Variants in STT3A observed in about 807,000 individuals in gnomAD.
STT3A encodes the protein dolichyl-diphosphooligosaccharide--protein glycosyltransferase subunit STT3A.
In STT3A, 34 loss-of-function variants were observed where a neutral mutation model predicts 89.2. The observed-to-expected ratio is 0.38, with a 90% CI of 0.29 to 0.51. STT3A has a LOEUF of 0.51. Ranked by LOEUF, STT3A falls within the 20% of genes least tolerant of loss-of-function variation. The pLI is 0.89. For missense variants in STT3A, 555 were observed against 889.5 expected (o/e 0.62, Z 4.78); for synonymous variants, 282 against 310.3 (o/e 0.91, Z 0.96).
At chr11:125,600,796 A>AT (rs1324478692) in intron 3 of STT3A, among the ~76,000 whole-genome samples, 3 of 151,152 alleles carry the variant, frequency 2.0e-5, no homozygotes, top group South Asian at 2.1e-4. Flanking sequence ...ATCTTTCTAT[A>AT]TTTTTTTTGA....
chr11:125,614,377 C>T lies in STT3A; in HGVS notation c.1725C>T (p.Val575=). The T allele has an allele frequency of 6.2e-7, 1 of 1,614,098 alleles. No homozygotes were observed. The highest frequency in any genetic ancestry group is 8.5e-7 in the Non-Finnish European group (1 of 1,179,992). Residue 575 remains valine (V), a synonymous_variant, in exon 15 of 18, where the codon GTC becomes GTT. Coordinates refer to ENST00000392708, the MANE Select transcript of STT3A (RefSeq NM_152713.5). The surrounding 1 kb of genome is among the most constrained non-coding windows in gnomAD (Gnocchi z 4.9). The stretch of plus-strand genomic sequence containing the variant: ...ATGAGATCATGAGGGAGCTCGATGT[C>T]AGCTATGTGCTGGTCATTTTTGGAG... ...KAYEIMRELD[V]SYVLVIFGGL...
Position 125,596,009 on chromosome 11 carries a change from T to C in STT3A, c.88+6T>C. ...GTCAATGGCTGCTGTATTATGTGAGTGTGCATGTGAACCTCTCTTTCTTTG... is the reference window on the plus strand; with the variant it reads ...GTCAATGGCTGCTGTATTATGTGAGCGTGCATGTGAACCTCTCTTTCTTTG... On this transcript the variant is annotated splice_donor_region_variant and intron_variant, in intron 2 of 17. Transcript: ENST00000392708. The C allele has an allele frequency of 6.2e-7, 1 of 1,601,744 alleles. No homozygotes were observed. Among genetic ancestry groups the C allele is most frequent in the Non-Finnish European group, 8.5e-7 (1 of 1,171,958 alleles).
At chr11:125,606,925 A>T (rs979855806) in intron 8 of STT3A, among the ~76,000 whole-genome samples, 2 of 152,168 alleles carry the variant, frequency 1.3e-5, no homozygotes, top group African/African-American at 4.8e-5. Context: ...GGTATGTTTG[A>T]TTTCTCTTGT....
At chr11:125,620,644 T>C in intron 17 of STT3A, 128 bp from the exon 18 acceptor site, 1 of 787,994 alleles carries the variant, frequency 1.3e-6, no homozygotes, top group Non-Finnish European at 2.1e-6. Flanking sequence ...TGCTTGTGTA[T>C]TCACAGCCCT....
intron 3 of STT3A, among the ~76,000 whole-genome samples, chr11:125,597,582 A>T (rs555929512): frequency 6.6e-6 from 1 of 152,328 alleles, no homozygotes; most frequent in East Asian, 1.9e-4. Flanking sequence ...ATGCAGATTG[A>T]AGGAAAGGGT....
Position 125,614,874 on chromosome 11 carries a change from G to T in STT3A, c.1774+448G>T, listed in dbSNP as rs1271585075. On this transcript the variant is annotated intron_variant, in intron 15 of 17. Coordinates refer to ENST00000392708, the MANE Select transcript of STT3A (RefSeq NM_152713.5). The surrounding 1 kb of genome is among the most constrained non-coding windows in gnomAD (Gnocchi z 4.9). Reference sequence around the variant, plus strand: ...AAATAAAAGTGTGTGTAAAATGGAGGTTACCATGTGCCCTATGATTATTGG... The same window carrying T: ...AAATAAAAGTGTGTGTAAAATGGAGTTTACCATGTGCCCTATGATTATTGG... Among the ~76,000 whole-genome samples, 1 of 151,832 alleles carries T rather than the reference G, an allele frequency of 6.6e-6. No individual in the cohort carries two copies. Among genetic ancestry groups the T allele is most frequent in the Non-Finnish European group, 1.5e-5 (1 of 67,976 alleles).
At position 125,621,590 on chromosome 11, in the gene STT3A, TCTC is replaced by T. The variant is rs1486208865; in HGVS notation, c.*781_*783del. 6.6e-6 allele frequency: 1 copy of T among 152,230 alleles called. No homozygotes were observed. Among genetic ancestry groups the T allele is most frequent in the African/African-American group, 2.4e-5 (1 of 41,456 alleles). 9.4% of individuals were successfully genotyped at this position (152,230 alleles called of 1,614,324 possible). The stretch of plus-strand genomic sequence containing the variant: ...AATTTGAAATGGAGCTTTTCAGTAC[TCTC>T]ACTTATTCATGACACAGGAATGACC... On this transcript the variant is annotated 3_prime_UTR_variant, in exon 18 of 18. Transcript: ENST00000392708.
intron 3 of STT3A, among the ~76,000 whole-genome samples, chr11:125,600,019 A>T (rs1939623530): frequency 6.6e-6 from 1 of 150,564 alleles, no homozygotes; most frequent in Admixed American, 6.6e-5. Context: ...ATTAACTACT[A>T]CGCCGGCCTC....
chr11:125,610,941 T>C (rs1964952190), intron 10 of STT3A: 1 of 152,586 alleles, frequency 6.6e-6, no homozygotes, highest in Non-Finnish European at 1.5e-5. Flanking sequence ...TCACTACCCA[T>C]CTCTAGCCAC....
intron 15 of STT3A, among the ~76,000 whole-genome samples, chr11:125,616,624 T>G (rs1167611158): frequency 6.6e-6 from 1 of 152,260 alleles, no homozygotes; most frequent in Non-Finnish European, 1.5e-5. Context: ...TCTTTTTTTG[T>G]AGACAACCAT....
rs1332925373 is a variant in STT3A, at chr11:125,606,294, A to G, written c.616-7A>G. 19 of 1,611,704 alleles carry G rather than the reference A, an allele frequency of 1.2e-5. No individual in the cohort carries two copies. Among genetic ancestry groups the G allele is most frequent in the Non-Finnish European group, 1.6e-5 (19 of 1,179,232 alleles). ...CAGAGGAACTGTTTTTTTCTATTCC[A>G]TCATAGGTCTCGTCATGGGGAGGTT... is the stretch of plus-strand genomic sequence containing the variant. On this transcript the variant is annotated splice_region_variant and splice_polypyrimidine_tract_variant and intron_variant, in intron 7 of 17. Transcript: ENST00000392708.
chr11:125,600,768 T>C (rs924548281), intron 3 of STT3A, among the ~76,000 whole-genome samples: 4 of 152,172 alleles, frequency 2.6e-5, no homozygotes, highest in Admixed American at 2.6e-4. Flanking sequence ...ATTTTTCATG[T>C]TGTCTATGTA....
Position 125,611,863 on chromosome 11 carries a change from A to ATTTTTTTTT in STT3A, c.1209+367_1209+375dup, listed in dbSNP as rs59685125. On this transcript the variant is annotated intron_variant, in intron 11 of 17. Transcript: ENST00000392708. ...CTAGATTGTTAGAGGAGGGATTTGA[A>ATTTTTTTTT]TTTTTTTTTTTTTTTTTTTTTTTTT... Among the ~76,000 whole-genome samples, 17 of 56,970 alleles carry ATTTTTTTTT rather than the reference A, an allele frequency of 3.0e-4. 2 individuals are homozygous for ATTTTTTTTT. The highest frequency in any genetic ancestry group is 6.1e-4 in the East Asian group (1 of 1,632). 37.4% of individuals were successfully genotyped at this position (56,970 alleles called of 152,430 possible). A position where few individuals can be genotyped will look rare whatever the true frequency, so the allele number is the denominator to read the frequency against.
chr11:125,613,994 C>A lies in STT3A; in HGVS notation c.1555-93C>A. The A allele has an allele frequency of 9.2e-7, 1 of 1,082,380 alleles. No homozygotes were observed. Among genetic ancestry groups the A allele is most frequent in the Non-Finnish European group, 1.4e-6 (1 of 718,484 alleles). The allele number at this position is 1,082,380 out of a possible 1,614,324, so 67.0% of individuals were successfully genotyped here. Reference sequence around the variant, plus strand: ...AGAAATTGATTAGTTAGCCAGGTGTCACTTCTGTCAGACCAAAGATGCCTT... The same window carrying A: ...AGAAATTGATTAGTTAGCCAGGTGTAACTTCTGTCAGACCAAAGATGCCTT... On this transcript the variant is annotated intron_variant, in intron 13 of 17. Coordinates refer to ENST00000392708, the MANE Select transcript of STT3A (RefSeq NM_152713.5). This position sits in a 1 kb window ranked among gnomAD's most constrained non-coding sequence, Gnocchi z 4.2.
intron 5 of STT3A, 115 bp from the exon 6 acceptor site, chr11:125,604,042 C>G: frequency 8.4e-6 from 9 of 1,075,170 alleles, no homozygotes; most frequent in Non-Finnish European, 1.2e-5. Context: ...CATCTACCTT[C>G]GAAATTGTTG....
chr11:125,617,672 C>A (rs1940217209), intron 15 of STT3A, among the ~76,000 whole-genome samples: 1 of 152,102 alleles, frequency 6.6e-6, no homozygotes, highest in African/African-American at 2.4e-5. Context: ...TTCTCATATA[C>A]CTGCTTTGGA....
intron 1 of STT3A, among the ~76,000 whole-genome samples, chr11:125,594,556 C>T (rs539342762): frequency 6.9e-6 from 1 of 143,990 alleles, no homozygotes; most frequent in African/African-American, 2.6e-5. Context: ...TGCACTCTAG[C>T]CTGGCGACAG....
rs1403828192 is a variant in STT3A, at chr11:125,605,678, A to G, written c.558A>G (p.Ala186=). 6 of 1,614,032 alleles carry G rather than the reference A, an allele frequency of 3.7e-6. No homozygotes were observed. Among genetic ancestry groups the G allele is most frequent in the Non-Finnish European group, 5.1e-6 (6 of 1,180,012 alleles). The change falls in exon 7 of 18, where the codon GCA becomes GCG. Residue 186 remains alanine (A), a synonymous_variant. Coordinates refer to ENST00000392708, the MANE Select transcript of STT3A (RefSeq NM_152713.5). Reference sequence around the variant, plus strand: ...TCACCTACTACATGTGGATCAAGGCAGTAAAGACTGGTTCCATCTGTTGGG... The same window carrying G: ...TCACCTACTACATGTGGATCAAGGCGGTAAAGACTGGTTCCATCTGTTGGG... ...MLLTYYMWIK[A]VKTGSICWAA...
chr11:125,597,268 G>T, intron 3 of STT3A, 149 bp downstream of exon 3: 1 of 813,076 alleles, frequency 1.2e-6, no homozygotes, highest in Non-Finnish European at 2.0e-6. Context: ...TCTTCCAAAG[G>T]AGATAATTAT....
Sources: allele counts gnomAD v4.1 joint callset (sites outside exome capture counted in the v4.1 genomes callset), GRCh38; gene constraint gnomAD v4.1.1; non-coding constraint Gnocchi (gnomAD v3.1); transcripts MANE v1.5; gene names NCBI Gene and HGNC (gene_info 2026-07-23, HGNC 2026-07-21).